KRR1: variants seen among roughly 807,000 people sequenced by gnomAD.
KRR1 encodes KRR1 small subunit processome component homolog.
A neutral mutation model predicts 50.0 loss-of-function variants in KRR1; 23 were observed. The observed-to-expected ratio is 0.46, with a 90% confidence interval of 0.33 to 0.65. KRR1 has a LOEUF of 0.65. Among genes scored for constraint, KRR1 ranks in the 30% least tolerant of loss-of-function variants. KRR1 has a pLI of 0.02. For missense variants in KRR1, 419 were observed against 442.4 expected (o/e 0.95, Z 0.47); for synonymous variants, 133 against 146.3 (o/e 0.91, Z 0.66).
chr12:75,509,177 CTTGAAT>C (rs1422004602), intron 1 of KRR1, among the ~76,000 whole-genome samples: 1 of 152,128 alleles, frequency 6.6e-6, no homozygotes, highest in Non-Finnish European at 1.5e-5. Context: ...AACTCTTGAT[CTTGAAT>C]TTGAAGAACT....
chr12:75,495,620 A>G lies in KRR1; in HGVS notation c.*4189T>C. 1 of 1,611,844 alleles carries G rather than the reference A, an allele frequency of 6.2e-7. No homozygotes were observed. The highest frequency in any genetic ancestry group is 8.5e-7 in the Non-Finnish European group (1 of 1,177,982). On this transcript the variant is annotated 3_prime_UTR_variant, in exon 10 of 10. Transcript: ENST00000229214. ...GCCATATAAGAGAGGAGCCACCTGC[A>G]GTGCCTGCCCCAATAATGACAAGTG...
rs1257646084 is a variant in KRR1 at position 75,495,053 on chromosome 12, TTTA to T, written c.*4753_*4755del. The stretch of plus-strand genomic sequence containing the variant: ...CTTTAGAAATTCCCCCATACCATTA[TTTA>T]TTATTTTTTTGGAAGGCACCAGCCA... On this transcript the variant is annotated 3_prime_UTR_variant, in exon 10 of 10. Coordinates refer to ENST00000229214, the MANE Select transcript of KRR1 (RefSeq NM_007043.7). 6.6e-6 allele frequency: 1 copy of T among 152,308 alleles called. No individual in the cohort carries two copies. Among genetic ancestry groups the T allele is most frequent in the African/African-American group, 2.4e-5 (1 of 41,448 alleles). 9.4% of individuals were successfully genotyped at this position (152,308 alleles called of 1,614,324 possible). A position where few individuals can be genotyped will look rare whatever the true frequency, so the allele number is the denominator to read the frequency against.
intron 5 of KRR1, among the ~76,000 whole-genome samples, chr12:75,505,473 T>C (rs989698613): frequency 2.0e-5 from 3 of 152,026 alleles, no homozygotes; most frequent in Non-Finnish European, 2.9e-5. Flanking sequence ...TGCTAAAATG[T>C]AGCACAGAGA....
In KRR1 at chr12:75,498,328, T is replaced by A. The variant is rs2120573957; in HGVS notation, c.*1481A>T. The A allele has an allele frequency of 5.8e-6, 1 of 171,300 alleles. No homozygotes were observed. Among genetic ancestry groups the A allele is most frequent in the East Asian group, 1.7e-4 (1 of 5,922 alleles). 10.6% of individuals were successfully genotyped at this position (171,300 alleles called of 1,614,324 possible). ...ATGGATTCATCATAAACAGTATCAT[T>A]CTTCTCAGGAAGAAACTTATTTTTA... On this transcript the variant is annotated 3_prime_UTR_variant, in exon 10 of 10. Transcript: ENST00000229214.
In KRR1 at chr12:75,491,124, T is replaced by G. The variant is rs1357504007; in HGVS notation, c.*8685A>C. 1 of 152,202 alleles carries G rather than the reference T, an allele frequency of 6.6e-6. No individual in the cohort carries two copies. The highest frequency in any genetic ancestry group is 1.5e-5 in the Non-Finnish European group (1 of 68,040). 9.4% of individuals were successfully genotyped at this position (152,202 alleles called of 1,614,324 possible). A position where few individuals can be genotyped will look rare whatever the true frequency, so the allele number is the denominator to read the frequency against. Reference sequence around the variant, plus strand: ...CTATTTTTCACTTAAAATTATGCTGTGAAAAATTTTCCTTTTCAAAATTTT... The same window carrying G: ...CTATTTTTCACTTAAAATTATGCTGGGAAAAATTTTCCTTTTCAAAATTTT... On this transcript the variant is annotated 3_prime_UTR_variant, in exon 10 of 10. Transcript: ENST00000229214.
rs1187140834 is a variant in KRR1, at chr12:75,497,356, A to C, written c.*2453T>G. The C allele has an allele frequency of 6.6e-6, 1 of 152,174 alleles. No individual in the cohort carries two copies. The highest frequency in any genetic ancestry group is 1.5e-5 in the Non-Finnish European group (1 of 68,038). The allele number at this position is 152,174 out of a possible 1,614,324, so 9.4% of individuals were successfully genotyped here. A position where few individuals can be genotyped will look rare whatever the true frequency, so the allele number is the denominator to read the frequency against. On this transcript the variant is annotated 3_prime_UTR_variant, in exon 10 of 10. Transcript: ENST00000229214. ...TAGAAGATTAAAGCTGTAGTCCAAT[A>C]ATGAAAACCCTTGGACTCTTGAGAA...
intron 5 of KRR1, 188 bp downstream of exon 5, chr12:75,506,128 G>T: frequency 2.2e-6 from 1 of 457,756 alleles, no homozygotes; most frequent in Non-Finnish European, 3.9e-6. Context: ...GCCAAGGTTG[G>T]CCAAAACATG....
rs2120580846 is a variant in KRR1, at chr12:75,499,169, A to ATTAT, written c.*636_*639dup. On this transcript the variant is annotated 3_prime_UTR_variant, in exon 10 of 10. Transcript: ENST00000229214. ...AAACTCATCTTTAGTATAAATAAGC[A>ATTAT]TTATTTGCAGGTTGCCACAGGTGGA... 1 of 422,038 alleles carries ATTAT rather than the reference A, an allele frequency of 2.4e-6. No homozygotes were observed. The highest frequency in any genetic ancestry group is 4.3e-5 in the Admixed American group (1 of 23,210). The allele number at this position is 422,038 out of a possible 1,614,324, so 26.1% of individuals were successfully genotyped here.
chr12:75,501,556 A>AAATT (rs2046394176), intron 9 of KRR1, 167 bp downstream of exon 9: 1 of 583,586 alleles, frequency 1.7e-6, no homozygotes, highest in African/African-American at 1.9e-5. Flanking sequence ...AGCTGCCTCT[A>AAATT]AATTATAAAT....
chr12:75,502,172 A>C, intron 7 of KRR1, 172 bp from the exon 8 acceptor site: 1 of 576,010 alleles, frequency 1.7e-6, no homozygotes, highest in Non-Finnish European at 3.1e-6. Context: ...TACATACACA[A>C]AAGTGTGGAG....
rs2046378042 is a variant in KRR1, at chr12:75,499,756, T to C, written c.*53A>G. On this transcript the variant is annotated 3_prime_UTR_variant, in exon 10 of 10. Transcript: ENST00000229214. The stretch of plus-strand genomic sequence containing the variant: ...CAAATAAGGCAACTAATGCCTGATA[T>C]CTCAAAATCCTTTACAAAAGGAGAT... 3.6e-6 allele frequency: 5 copies of C among 1,407,882 alleles called. No individual in the cohort carries two copies. Among genetic ancestry groups the C allele is most frequent in the South Asian group, 1.5e-5 (1 of 68,678 alleles). 87.2% of individuals were successfully genotyped at this position (1,407,882 alleles called of 1,614,324 possible).
Position 75,499,919 on chromosome 12 carries a change from T to G in KRR1, c.1036A>C (p.Ile346Leu). ...TTTGCTTTCTTAACCTTTTCCTTGATGCTGGCCACATCAATTTTAGTTTCA... is the reference window on the plus strand; with the variant it reads ...TTTGCTTTCTTAACCTTTTCCTTGAGGCTGGCCACATCAATTTTAGTTTCA... ...STETKIDVAS[I>L]KEKVKKAKNK... Residue 346 changes from isoleucine (I) to leucine (L), a missense_variant, in exon 10 of 10, where the codon ATC becomes CTC. Physicochemically the swap from Ile to Leu is conservative, Grantham distance 5 (BLOSUM62 2). Transcript: ENST00000229214. 1 of 1,606,602 alleles carries G rather than the reference T, an allele frequency of 6.2e-7. No individual in the cohort carries two copies. The highest frequency in any genetic ancestry group is 2.2e-5 in the East Asian group (1 of 44,588).
intron 7 of KRR1, chr12:75,502,982 T>C (rs1048660184): frequency 6.6e-6 from 1 of 151,862 alleles, no homozygotes; most frequent in African/African-American, 2.4e-5. Flanking sequence ...ACTCCAACCA[T>C]GGTTGTGGAA....
Position 75,494,878 on chromosome 12 carries a change from G to A in KRR1, c.*4931C>T, listed in dbSNP as rs1305040943. The A allele has an allele frequency of 6.6e-6, 1 of 152,166 alleles. No homozygotes were observed. Among genetic ancestry groups the A allele is most frequent in the African/African-American group, 2.4e-5 (1 of 41,446 alleles). 9.4% of individuals were successfully genotyped at this position (152,166 alleles called of 1,614,324 possible). A position where few individuals can be genotyped will look rare whatever the true frequency, so the allele number is the denominator to read the frequency against. ...GTGACTCAGCCTCTAGCTATATAAT[G>A]GGTATAAATAGACAACAGTAACTTC... On this transcript the variant is annotated 3_prime_UTR_variant, in exon 10 of 10. Transcript: ENST00000229214.
At chr12:75,508,593 G>T in intron 1 of KRR1, 147 bp from the exon 2 acceptor site, 2 of 506,594 alleles carry the variant, frequency 3.9e-6, no homozygotes, top group Non-Finnish European at 6.7e-6. Context: ...CTTTTCCCCT[G>T]CTTTTTATAT....
chr12:75,506,865 T>C lies in KRR1; in HGVS notation c.310A>G (p.Thr104Ala), dbSNP rs2046424828. ...LIEGSMTVCT[T>A]KKTFDPYIII... ...ATATATGGATCAAAAGTCTTCTTTGTAGTACAAACAGTCATGCTGCCTTCG... is the reference window on the plus strand; with the variant it reads ...ATATATGGATCAAAAGTCTTCTTTGCAGTACAAACAGTCATGCTGCCTTCG... The change falls in exon 3 of 10, where the codon ACA becomes GCA. Residue 104 changes from threonine (T) to alanine (A), a missense_variant. Thr to Ala is a moderately conservative substitution (Grantham distance 58). Coordinates refer to ENST00000229214, the MANE Select transcript of KRR1 (RefSeq NM_007043.7). The C allele has an allele frequency of 6.2e-7, 1 of 1,613,316 alleles. No individual in the cohort carries two copies. Among genetic ancestry groups the C allele is most frequent in the Non-Finnish European group, 8.5e-7 (1 of 1,179,538 alleles).
intron 1 of KRR1, among the ~76,000 whole-genome samples, chr12:75,508,917 T>A (rs1459035339): frequency 6.6e-6 from 1 of 152,226 alleles, no homozygotes; most frequent in African/African-American, 2.4e-5. Flanking sequence ...TTCTAGTTTA[T>A]CTTTCAGTTA....
rs150361984 is a variant in KRR1 at position 75,499,896 on chromosome 12, T to C, written c.1059A>G (p.Ala353=). 4.9e-5 allele frequency: 79 copies of C among 1,610,248 alleles called. No homozygotes were observed. The highest frequency in any genetic ancestry group is 6.4e-5 in the Non-Finnish European group (75 of 1,178,458). ...VASIKEKVKK[A]KNKKLGALTA... ...TAAGAGCTCCCAGTTTCTTATTCTT[T>C]GCTTTCTTAACCTTTTCCTTGATGC... The change falls in exon 10 of 10, where the codon GCA becomes GCG. Residue 353 remains alanine (A), a synonymous_variant. Transcript: ENST00000229214.
intron 7 of KRR1, 122 bp downstream of exon 7, chr12:75,503,782 G>T: frequency 1.2e-6 from 1 of 841,628 alleles, no homozygotes. Context: ...TTATAGCTCT[G>T]CACACACACA....
Sources: gnomAD v4.1 joint callset for allele counts (sites outside exome capture counted in the v4.1 genomes callset) on GRCh38, gnomAD v4.1.1 for gene constraint, MANE v1.5 for transcripts, NCBI Gene and HGNC (gene_info 2026-07-23, HGNC 2026-07-21) for gene names.